Variants in TAFA4 observed in about 807,000 individuals in gnomAD.
The protein encoded by TAFA4 is TAFA chemokine like family member 4, also known as chemokine-like protein TAFA-4.
TAFA4 carries 20 observed loss-of-function variants against 21.1 expected under a neutral mutation model. That is an observed-to-expected ratio of 0.95 (90% confidence interval 0.67 to 1.38). TAFA4 has a LOEUF of 1.38. Ranked by LOEUF, TAFA4 falls within the 40% of genes most tolerant of loss-of-function variation. The probability of loss-of-function intolerance (pLI) is 0.00; values close to 1 mark genes in which losing one functional copy is unlikely to be tolerated. For synonymous variants in TAFA4, 71 were observed against 67.4 expected, an observed-to-expected ratio of 1.05 and a Z score of -0.26; for missense variants, 211 against 180.9, an observed-to-expected ratio of 1.17 and a Z score of -0.95.
chr3:68,735,069 T>C (rs1371156268), intron 5 of TAFA4, among the ~76,000 whole-genome samples: 1 of 152,280 alleles, frequency 6.6e-6, no homozygotes, highest in Middle Eastern at 3.4e-3. Flanking sequence ...CAATATTAGC[T>C]CTATTCCCAT....
intron 4 of TAFA4, among the ~76,000 whole-genome samples, chr3:68,744,173 A>G (rs1250519908): frequency 6.6e-6 from 1 of 152,224 alleles, no homozygotes; most frequent in African/African-American, 2.4e-5. Context: ...TCAGAGTTTC[A>G]TGAAAGATTC....
At chr3:68,920,994 G>A (rs2090055987) in intron 1 of TAFA4, among the ~76,000 whole-genome samples, 1 of 152,178 alleles carries the variant, frequency 6.6e-6, no homozygotes, top group Non-Finnish European at 1.5e-5. Flanking sequence ...GTCTGGGGTT[G>A]AGTGCTGGGG....
chr3:68,903,803 A>T (rs961227873), intron 1 of TAFA4, among the ~76,000 whole-genome samples: 3 of 152,284 alleles, frequency 2.0e-5, no homozygotes, highest in Non-Finnish European at 4.4e-5. Flanking sequence ...TGGCTTCATC[A>T]AACTCCCAAA....
intron 4 of TAFA4, among the ~76,000 whole-genome samples, chr3:68,750,167 C>T (rs554737928): frequency 2.0e-5 from 3 of 152,256 alleles, no homozygotes; most frequent in Admixed American, 6.5e-5. Context: ...TGTAATGGCT[C>T]ACACCTGTAA....
At chr3:68,863,540 C>A (rs2089378195) in intron 3 of TAFA4, among the ~76,000 whole-genome samples, 1 of 152,130 alleles carries the variant, frequency 6.6e-6, no homozygotes. Flanking sequence ...AGTCTATAGG[C>A]TGTGAACTTA....
chr3:68,743,379 C>T (rs914959691), intron 4 of TAFA4, among the ~76,000 whole-genome samples: 3 of 151,962 alleles, frequency 2.0e-5, no homozygotes, highest in Non-Finnish European at 4.4e-5. Flanking sequence ...AGTTCAAGAC[C>T]AGCCTAGCCA....
intron 3 of TAFA4, among the ~76,000 whole-genome samples, chr3:68,836,626 T>A (rs1396851696): frequency 6.6e-6 from 1 of 152,202 alleles, no homozygotes; most frequent in Non-Finnish European, 1.5e-5. Flanking sequence ...CTCTTATAGG[T>A]AGTAGAAATC....
At chr3:68,784,987 T>C (rs1703224325) in intron 3 of TAFA4, among the ~76,000 whole-genome samples, 1 of 152,016 alleles carries the variant, frequency 6.6e-6, no homozygotes, top group Admixed American at 6.5e-5. Context: ...TTGGTGTGTT[T>C]ACAAACCTTG....
chr3:68,775,592 C>T (rs1055520148), intron 3 of TAFA4, among the ~76,000 whole-genome samples: 10 of 152,128 alleles, frequency 6.6e-5, no homozygotes, highest in Admixed American at 6.5e-4. Flanking sequence ...AGACTTCTTC[C>T]ACGTTGCAGG....
At position 68,932,231 on chromosome 3, in the gene TAFA4, C is replaced by G. The variant is rs921730599; in HGVS notation, c.-123+9G>C. 1 of 152,186 alleles carries G rather than the reference C, an allele frequency of 6.6e-6. No homozygotes were observed. The highest frequency in any genetic ancestry group is 2.4e-5 in the African/African-American group (1 of 41,428). 9.4% of individuals were successfully genotyped at this position (152,186 alleles called of 1,614,324 possible). On this transcript the variant is annotated intron_variant, in intron 1 of 5. Coordinates refer to ENST00000295569, the MANE Select transcript of TAFA4 (RefSeq NM_182522.5). Reference sequence around the variant, plus strand: ...CTCGCCCCTCCTTATCCCTTCCAACCCTTCTTACTCGACTAGAGCCGGCAT... The same window carrying G: ...CTCGCCCCTCCTTATCCCTTCCAACGCTTCTTACTCGACTAGAGCCGGCAT...
At chr3:68,744,530 C>T (rs769023961) in intron 4 of TAFA4, among the ~76,000 whole-genome samples, 1 of 152,092 alleles carries the variant, frequency 6.6e-6, no homozygotes, top group East Asian at 1.9e-4. Flanking sequence ...GAATAAATTC[C>T]CTGCAGAGAA....
chr3:68,757,117 G>A (rs571007809), intron 3 of TAFA4, among the ~76,000 whole-genome samples: 20 of 152,206 alleles, frequency 1.3e-4, no homozygotes, highest in African/African-American at 4.8e-4. Flanking sequence ...GACATAGACT[G>A]GGTGGCTTAA....
chr3:68,801,411 A>C (rs1703576483), intron 3 of TAFA4, among the ~76,000 whole-genome samples: 1 of 152,186 alleles, frequency 6.6e-6, no homozygotes, highest in Non-Finnish European at 1.5e-5. Context: ...AACCACCCAA[A>C]TCTCTTTTCC....
intron 1 of TAFA4, among the ~76,000 whole-genome samples, chr3:68,918,294 C>T (rs1362758874): frequency 6.6e-6 from 1 of 152,072 alleles, no homozygotes; most frequent in African/African-American, 2.4e-5. Context: ...GCAAATGACA[C>T]TGGAGAAAAA....
rs201013886 is a variant in TAFA4 at position 68,902,147 on chromosome 3, A to G, written c.-122-16837T>C. Among the ~76,000 whole-genome samples the G allele has an allele frequency of 1.3e-4, 20 of 152,274 alleles. 1 individual carries two copies. The East Asian group carries it at 3.9e-3, about 29-fold the overall frequency. On this transcript the variant is annotated intron_variant, in intron 1 of 5. Coordinates refer to ENST00000295569, the MANE Select transcript of TAFA4 (RefSeq NM_182522.5). ...CAGTTGCTATCAGTATCCCCATTTT[A>G]CAAAGAAGGATATGTGGAGGCAGAG...
intron 2 of TAFA4, among the ~76,000 whole-genome samples, chr3:68,884,746 T>C (rs1215001280): frequency 6.6e-6 from 1 of 152,220 alleles, no homozygotes; most frequent in Non-Finnish European, 1.5e-5. Context: ...ACATTCCAAA[T>C]CCTGGGCAAT....
chr3:68,891,521 C>T (rs2089730706), intron 1 of TAFA4, among the ~76,000 whole-genome samples: 1 of 152,216 alleles, frequency 6.6e-6, no homozygotes, highest in South Asian at 2.1e-4. Context: ...CTTCTGTACT[C>T]AGCCCCTTGA....
At chr3:68,836,730 T>G (rs900879714) in intron 3 of TAFA4, among the ~76,000 whole-genome samples, 3 of 150,302 alleles carry the variant, frequency 2.0e-5, no homozygotes, top group Non-Finnish European at 4.4e-5. Flanking sequence ...TAAGATTTAT[T>G]ACTAATTTGG....
chr3:68,774,965 TAAC>T (rs1250492723), intron 3 of TAFA4, among the ~76,000 whole-genome samples: 2 of 152,192 alleles, frequency 1.3e-5, no homozygotes, highest in African/African-American at 4.8e-5. Context: ...ATTCCCATCA[TAAC>T]AACAAAGGCT....
Sources: allele counts gnomAD v4.1 joint callset (sites outside exome capture counted in the v4.1 genomes callset), GRCh38; gene constraint gnomAD v4.1.1; transcripts MANE v1.5; gene names NCBI Gene and HGNC (gene_info 2026-07-23, HGNC 2026-07-21).